The following PLAGL1 variants were observed in gnomAD, a reference collection of about 807,000 sequenced individuals.
The protein encoded by PLAGL1 is PLAG1 like zinc finger 1, also known as zinc finger protein PLAGL1.
Under a neutral mutation model 4.6 loss-of-function variants are expected in PLAGL1, and 1 was observed. That is an observed-to-expected ratio of 0.22 (90% CI 0.08 to 1.03). The LOEUF is 1.03. PLAGL1 is among the 50% of genes least tolerant of loss of function. The pLI is 0.58. For missense variants in PLAGL1, 464 were observed against 570.4 expected (o/e 0.81, Z 1.90); for synonymous variants, 240 against 237.8 (o/e 1.01, Z -0.08).
At position 143,960,178 on chromosome 6, in the gene PLAGL1, A is replaced by T. The variant is rs981486121; in HGVS notation, c.-325+291T>A. Among the ~76,000 whole-genome samples the T allele has an allele frequency of 3.3e-5, 5 of 152,310 alleles. No individual in the cohort carries two copies. Among genetic ancestry groups the T allele is most frequent in the Middle Eastern group, 6.8e-3 (2 of 294 alleles). ...GACAGGGTTGTCAGCAGAAAATTCC[A>T]TAGATCTATGTGTATTACTAGGCTG... On this transcript the variant is annotated intron_variant, in intron 6 of 7. Transcript: ENST00000674357. The surrounding 1 kb of genome is among the most constrained non-coding windows in gnomAD (Gnocchi z 5.7).
chr6:144,041,378 T>C (rs1194769911), intron 1 of PLAGL1, among the ~76,000 whole-genome samples: 2 of 144,824 alleles, frequency 1.4e-5, no homozygotes, highest in African/African-American at 2.5e-5. Context: ...TTCCCCACCC[T>C]GTGTCCAAGT....
At chr6:143,998,131 A>G (rs1216223547) in intron 1 of PLAGL1, among the ~76,000 whole-genome samples, 1 of 152,192 alleles carries the variant, frequency 6.6e-6, no homozygotes, top group African/African-American at 2.4e-5. Context: ...AGAATATTCA[A>G]ACCTTATTCA....
Position 143,984,090 on chromosome 6 carries a change from T to C in PLAGL1, c.-544+1045A>G, listed in dbSNP as rs1251106854. On this transcript the variant is annotated intron_variant, in intron 2 of 7. Coordinates refer to ENST00000674357, the MANE Select transcript of PLAGL1 (RefSeq NM_001317162.2). This position sits in a 1 kb window ranked among gnomAD's most constrained non-coding sequence, Gnocchi z 5.5. ...AAATTTTTATGTTGTCTTATAACTA[T>C]ATTTATAATAATGATTTAGGCCTAA... is the stretch of plus-strand genomic sequence containing the variant. Among the ~76,000 whole-genome samples the C allele has an allele frequency of 6.6e-6, 1 of 152,222 alleles. No homozygotes were observed. The highest frequency in any genetic ancestry group is 1.5e-5 in the Non-Finnish European group (1 of 68,032).
intron 1 of PLAGL1, chr6:144,037,096 C>A (rs1448552881): frequency 4.5e-5 from 7 of 155,968 alleles, no homozygotes; most frequent in Non-Finnish European, 9.9e-5. Context: ...ATTAAGTATA[C>A]ATGTAAAGGC....
rs1332964535 is a variant in PLAGL1 at position 143,968,192 on chromosome 6, T to A, written c.-472+715A>T. The A allele has an allele frequency of 6.6e-6, 1 of 152,180 alleles. No homozygotes were observed. The highest frequency in any genetic ancestry group is 6.5e-5 in the Admixed American group (1 of 15,276). The allele number at this position is 152,180 out of a possible 1,614,324, so 9.4% of individuals were successfully genotyped here. A position where few individuals can be genotyped will look rare whatever the true frequency, so the allele number is the denominator to read the frequency against. ...AGGCTGGGATTTGGAATCATTATCT[T>A]GAAATAGGCAGTTCAAACAAATCCT... is the stretch of plus-strand genomic sequence containing the variant. On this transcript the variant is annotated intron_variant, in intron 3 of 7. Transcript: ENST00000674357. This position sits in a 1 kb window ranked among gnomAD's most constrained non-coding sequence, Gnocchi z 6.3.
rs575909544 is a variant in PLAGL1 at position 143,960,241 on chromosome 6, C to T, written c.-325+228G>A. Reference sequence around the variant, plus strand: ...AGCAGAGGTCATGAAAAGTTGCTAACTGCATCATCCAATTCCCTGAAACAC... The same window carrying T: ...AGCAGAGGTCATGAAAAGTTGCTAATTGCATCATCCAATTCCCTGAAACAC... On this transcript the variant is annotated intron_variant, in intron 6 of 7. Coordinates refer to ENST00000674357, the MANE Select transcript of PLAGL1 (RefSeq NM_001317162.2). This position sits in a 1 kb window ranked among gnomAD's most constrained non-coding sequence, Gnocchi z 5.7. 3.3e-5 allele frequency among the ~76,000 whole-genome samples: 5 copies of T among 152,296 alleles called. No homozygotes were observed. Among genetic ancestry groups the T allele is most frequent in the African/African-American group, 1.2e-4 (5 of 41,552 alleles).
In PLAGL1 at chr6:143,997,858, G is replaced by A. The variant is rs940923593; in HGVS notation, c.-584+10232C>T. On this transcript the variant is annotated intron_variant, in intron 1 of 7. Coordinates refer to ENST00000674357, the MANE Select transcript of PLAGL1 (RefSeq NM_001317162.2). This position sits in a 1 kb window ranked among gnomAD's most constrained non-coding sequence, Gnocchi z 4.6. The stretch of plus-strand genomic sequence containing the variant: ...CTTGAATGTGGTTACACAGGTGTGC[G>A]TATGTGTGTGTGTGTATAAACTCAT... 7.9e-5 allele frequency among the ~76,000 whole-genome samples: 12 copies of A among 152,266 alleles called. No individual in the cohort carries two copies. The highest frequency in any genetic ancestry group is 1.7e-4 in the African/African-American group (7 of 41,528).
In PLAGL1 at chr6:143,960,690, T is replaced by C. The variant is rs1783204697; in HGVS notation, c.-398-148A>G. On this transcript the variant is annotated intron_variant, in intron 5 of 7. Coordinates refer to ENST00000674357, the MANE Select transcript of PLAGL1 (RefSeq NM_001317162.2). The surrounding 1 kb of genome is among the most constrained non-coding windows in gnomAD (Gnocchi z 5.7). ...TCTAGTGTTTTTTCATGCATTTTAA[T>C]AGATGATCTTTAAACACTCATATCC... The C allele has an allele frequency of 6.6e-6, 1 of 152,212 alleles. No individual in the cohort carries two copies. The highest frequency in any genetic ancestry group is 1.5e-5 in the Non-Finnish European group (1 of 68,026). 9.4% of individuals were successfully genotyped at this position (152,212 alleles called of 1,614,324 possible). A position where few individuals can be genotyped will look rare whatever the true frequency, so the allele number is the denominator to read the frequency against.
At chr6:144,057,198 T>C (rs891391394) in intron 1 of PLAGL1, among the ~76,000 whole-genome samples, 1 of 152,244 alleles carries the variant, frequency 6.6e-6, no homozygotes, top group Non-Finnish European at 1.5e-5. Flanking sequence ...CTGCCAAAGT[T>C]CCTTGCAAAG....
Position 143,942,063 on chromosome 6 carries a change from C to T in PLAGL1, c.753G>A (p.Gly251=). The T allele has an allele frequency of 6.2e-6, 10 of 1,611,986 alleles. No individual in the cohort carries two copies. In the South Asian group the frequency reaches 8.8e-5, roughly 14 times the overall value. The change falls in exon 8 of 8, where the codon GGG becomes GGA. Residue 251 remains glycine (G), a synonymous_variant. Transcript: ENST00000674357. This position sits in a 1 kb window ranked among gnomAD's most constrained non-coding sequence, Gnocchi z 7.6. ...CCTCAGCTGGCAAGCTACTTGCAAG[C>T]CCGTTCTGGGCAGAAGCTCCTAAAG... ...PFPLGASAQN[G]LASSLPAEVH...
rs1795357070 is a variant in PLAGL1 at position 144,013,615 on chromosome 6, T to C, written c.-150-44637A>G. Among the ~76,000 whole-genome samples the C allele has an allele frequency of 6.6e-6, 1 of 152,234 alleles. No homozygotes were observed. Among genetic ancestry groups the C allele is most frequent in the South Asian group, 2.1e-4 (1 of 4,834 alleles). ...CGCAGGCGCCATCTAGTGGCTCTAG[T>C]GGAGATTCCTTCCTCACAACTTCCA... On this transcript the variant is annotated intron_variant, in intron 1 of 3. Transcript: ENST00000437412. This position sits in a 1 kb window ranked among gnomAD's most constrained non-coding sequence, Gnocchi z 4.4.
chr6:144,036,817 TA>T lies in PLAGL1; in HGVS notation c.-151+27650del. ...AATGCCCATTATGACACTATTTGACTAAACAGGTTTGAAATACTCTGGCATA... is the reference window on the plus strand; with the variant it reads ...AATGCCCATTATGACACTATTTGACTAACAGGTTTGAAATACTCTGGCATA... On this transcript the variant is annotated intron_variant, in intron 1 of 3. Transcript: ENST00000437412. This position sits in a 1 kb window ranked among gnomAD's most constrained non-coding sequence, Gnocchi z 5.1. 1 of 325,158 alleles carries T rather than the reference TA, an allele frequency of 3.1e-6. No individual in the cohort carries two copies. Among genetic ancestry groups the T allele is most frequent in the South Asian group, 2.7e-5 (1 of 37,556 alleles). 20.1% of individuals were successfully genotyped at this position (325,158 alleles called of 1,614,324 possible). A position where few individuals can be genotyped will look rare whatever the true frequency, so the allele number is the denominator to read the frequency against.
At chr6:144,014,398 C>T (rs1047294428) in intron 1 of PLAGL1, among the ~76,000 whole-genome samples, 6 of 151,848 alleles carry the variant, frequency 4.0e-5, no homozygotes, top group Admixed American at 3.9e-4. Context: ...CACTGCACTC[C>T]AGCCTAGGCG....
At chr6:143,967,996 G>GAAAAA (rs1583279839) in intron 3 of PLAGL1, 1 of 26,860 alleles carries the variant, frequency 3.7e-5, no homozygotes, top group Non-Finnish European at 9.3e-5. Flanking sequence ...AGGACATTTT[G>GAAAAA]CAAAAAAAAA....
At chr6:143,943,843 T>C (rs1444104662) in intron 7 of PLAGL1, among the ~76,000 whole-genome samples, 2 of 152,206 alleles carry the variant, frequency 1.3e-5, no homozygotes, top group South Asian at 2.1e-4. Flanking sequence ...TGGAAAGCCA[T>C]CACAATTCCA....
Position 143,959,192 on chromosome 6 carries a change from T to G in PLAGL1, c.-325+1277A>C, listed in dbSNP as rs149056512. On this transcript the variant is annotated intron_variant, in intron 6 of 7. Transcript: ENST00000674357. The surrounding 1 kb of genome is among the most constrained non-coding windows in gnomAD (Gnocchi z 5.3). ...CAGCAGCTGAGAGCAATGTCTCAAG[T>G]GGCTCTTCCTCCCCTGCTTGCCTTG... Among the ~76,000 whole-genome samples, 393 of 152,326 alleles carry G rather than the reference T, an allele frequency of 2.6e-3. 1 individual carries two copies. Among genetic ancestry groups the G allele is most frequent in the African/African-American group, 8.9e-3 (369 of 41,570 alleles).
chr6:143,999,211 T>C (rs994949838), intron 1 of PLAGL1, among the ~76,000 whole-genome samples: 1 of 151,930 alleles, frequency 6.6e-6, no homozygotes, highest in East Asian at 1.9e-4. Context: ...TTTATTAATT[T>C]AAAAAAAATG....
upstream of PLAGL1, among the ~76,000 whole-genome samples, chr6:144,013,291 G>T (rs928951921): frequency 9.2e-5 from 14 of 152,202 alleles, no homozygotes; most frequent in African/African-American, 2.7e-4. The surrounding 1 kb of genome is among the most constrained non-coding windows in gnomAD (Gnocchi z 4.4). Context: ...TAACAGCTAT[G>T]ATGGGGCTAA....
chr6:144,023,482 A>AG (rs1796117276), intron 1 of PLAGL1, among the ~76,000 whole-genome samples: 1 of 152,196 alleles, frequency 6.6e-6, no homozygotes, highest in African/African-American at 2.4e-5. Flanking sequence ...GGGGAAAAAA[A>AG]GGTGCTGATC....
Sources: gnomAD v4.1 joint callset for allele counts (sites outside exome capture counted in the v4.1 genomes callset) on GRCh38, gnomAD v4.1.1 for gene constraint, Gnocchi (gnomAD v3.1) non-coding constraint, MANE v1.5 for transcripts, NCBI Gene and HGNC (gene_info 2026-07-23, HGNC 2026-07-21) for gene names.